SCNN1A: variants seen among roughly 807,000 people sequenced by gnomAD.
SCNN1A encodes epithelial sodium channel subunit alpha.
A neutral mutation model predicts 68.6 loss-of-function variants in SCNN1A; 65 were observed. The ratio of observed to expected loss-of-function variants is 0.95; its 90% CI spans 0.78 to 1.16. The LOEUF (loss-of-function observed/expected upper bound fraction) is 1.16. Among genes scored for constraint, SCNN1A ranks in the 50% most tolerant of loss-of-function variants. The pLI is 0.00. For synonymous variants in SCNN1A, 357 were observed against 353.3 expected (o/e 1.01, Z -0.12); for missense variants, 880 against 865.9 (o/e 1.02, Z -0.20).
intron 2 of SCNN1A, among the ~76,000 whole-genome samples, chr12:6,368,881 A>G (rs926799724): frequency 6.6e-6 from 1 of 152,164 alleles, no homozygotes; most frequent in African/African-American, 2.4e-5. Flanking sequence ...CCTTATCTGT[A>G]AAATGGGCAT....
intron 2 of SCNN1A, among the ~76,000 whole-genome samples, chr12:6,371,871 G>A (rs898415832): frequency 6.6e-6 from 1 of 151,810 alleles, no homozygotes; most frequent in Non-Finnish European, 1.5e-5. Context: ...GCGTGATCTC[G>A]GCTCACTGCA....
At chr12:6,363,401 C>G (rs764029787) in intron 3 of SCNN1A, 42 bp downstream of exon 3, 1 of 1,472,940 alleles carries the variant, frequency 6.8e-7, no homozygotes, top group African/African-American at 1.5e-5. Context: ...GGCCAGGGGC[C>G]GGCGAGGGGC....
intron 5 of SCNN1A, 123 bp downstream of exon 5, chr12:6,355,654 G>A (rs1170868430): frequency 2.2e-6 from 2 of 909,034 alleles, no homozygotes; most frequent in Non-Finnish European, 3.7e-6. Context: ...GGACTATGTG[G>A]CACCTATTGG....
chr12:6,354,579 G>A (rs1948460598), intron 7 of SCNN1A, 24 bp from the exon 8 acceptor site: 3 of 1,565,842 alleles, frequency 1.9e-6, no homozygotes, highest in Non-Finnish European at 2.6e-6. Context: ...GGGTGGAGAG[G>A]AGAGGGGGTT....
At chr12:6,363,854 C>T in intron 2 of SCNN1A, 144 bp from the exon 3 acceptor site, 1 of 695,698 alleles carries the variant, frequency 1.4e-6, no homozygotes, top group South Asian at 2.4e-5. Flanking sequence ...CGTGGCGCCT[C>T]CTGGCCGTCC....
rs62620999 is a variant in SCNN1A at position 6,347,760 on chromosome 12, G to A, written c.*113C>T. 1.5e-3 allele frequency: 1,341 copies of A among 894,578 alleles called. 7 individuals carry two copies. The highest frequency in any genetic ancestry group is 2.1e-3 in the Non-Finnish European group (1,183 of 555,476). 55.4% of individuals were successfully genotyped at this position (894,578 alleles called of 1,614,324 possible). ...TCTTGCTTCCCCTCCACACATCAAC[G>A]GCAGTTTGGGCGGCTCTGAGAGGAA... On this transcript the variant is annotated 3_prime_UTR_variant, in exon 13 of 13. Transcript: ENST00000228916.
chr12:6,366,800 CAAAAAAA>C (rs549082404), intron 2 of SCNN1A, among the ~76,000 whole-genome samples: 1 of 104,344 alleles, frequency 9.6e-6, no homozygotes, highest in African/African-American at 3.6e-5. Flanking sequence ...AACTCCATCT[CAAAAAAA>C]AAAAAAAGAA....
intron 1 of SCNN1A, 62 bp downstream of exon 1, chr12:6,375,443 G>T: frequency 6.5e-7 from 1 of 1,534,714 alleles, no homozygotes; most frequent in South Asian, 1.2e-5. Flanking sequence ...CCAGGTTGCG[G>T]CTGGACTGGG....
At chr12:6,354,192 C>G (rs556951571) in intron 8 of SCNN1A, among the ~76,000 whole-genome samples, 3 of 151,940 alleles carry the variant, frequency 2.0e-5, no homozygotes, top group Non-Finnish European at 2.9e-5. Flanking sequence ...GATCGCGCCA[C>G]TGCTCTCCAG....
Position 6,363,545 on chromosome 12 carries a change from CG to C in SCNN1A, c.581del (p.Pro194ArgfsTer55). Reference sequence around the variant, plus strand: ...CTCGACGGGCCCCGTGAGGCGGGGGCGGGACCCTCAGGCGCTGCAAGGGGTG... The same window carrying C: ...CTCGACGGGCCCCGTGAGGCGGGGGCGGACCCTCAGGCGCTGCAAGGGGTG... ...LPHPLQRLRV[P>X]PPPHGARRAR... On this transcript the variant is annotated frameshift_variant, in exon 3 of 13. Coordinates refer to ENST00000228916, the MANE Select transcript of SCNN1A (RefSeq NM_001038.6). LOFTEE classifies it high-confidence loss of function. The C allele has an allele frequency of 6.2e-7, 1 of 1,609,630 alleles. No individual in the cohort carries two copies. The highest frequency in any genetic ancestry group is 8.5e-7 in the Non-Finnish European group (1 of 1,178,126).
upstream of SCNN1A, among the ~76,000 whole-genome samples, chr12:6,376,836 C>T (rs72645152): frequency 6.6e-6 from 1 of 152,204 alleles, no homozygotes; most frequent in Non-Finnish European, 1.5e-5. Context: ...TCCTGCCTCC[C>T]TCCACAAGCC....
rs1026924523 is a variant in SCNN1A, at chr12:6,351,550, C to T, written c.1361-2145G>A. On this transcript the variant is annotated intron_variant, in intron 8 of 12. Coordinates refer to ENST00000228916, the MANE Select transcript of SCNN1A (RefSeq NM_001038.6). This position sits in a 1 kb window ranked among gnomAD's most constrained non-coding sequence, Gnocchi z 4.2. ...GCTGAGACAGGAGAATTGCTTGAAC[C>T]TGAGAGGCAGAGGTAGCAGTGAGCC... Among the ~76,000 whole-genome samples the T allele has an allele frequency of 2.0e-5, 3 of 151,572 alleles. No individual in the cohort carries two copies. Among genetic ancestry groups the T allele is most frequent in the Admixed American group, 6.6e-5 (1 of 15,194 alleles).
At chr12:6,362,313 G>C (rs1948593638) in intron 3 of SCNN1A, 72 bp from the exon 4 acceptor site, 1 of 1,335,214 alleles carries the variant, frequency 7.5e-7, no homozygotes, top group African/African-American at 1.4e-5. Context: ...CAAGGGCAAA[G>C]AATGAGTGAT....
At chr12:6,364,977 G>A (rs1269139054) in intron 2 of SCNN1A, among the ~76,000 whole-genome samples, 2 of 150,446 alleles carry the variant, frequency 1.3e-5, no homozygotes, top group Admixed American at 6.6e-5. Context: ...CAGAATAAGT[G>A]GAGATATATA....
intron 2 of SCNN1A, among the ~76,000 whole-genome samples, chr12:6,365,869 AT>A (rs554653729): frequency 1.7e-4 from 25 of 148,866 alleles, no homozygotes; most frequent in East Asian, 5.9e-4. Flanking sequence ...ACAGACCTAC[AT>A]TTTTTTTTTT....
intron 2 of SCNN1A, among the ~76,000 whole-genome samples, chr12:6,364,935 T>C (rs1948650045): frequency 6.6e-6 from 1 of 151,626 alleles, no homozygotes. Flanking sequence ...CTGAAAAATA[T>C]ATTGAAATCC....
intron 2 of SCNN1A, among the ~76,000 whole-genome samples, chr12:6,364,493 C>T (rs916410681): frequency 6.6e-5 from 10 of 152,084 alleles, no homozygotes; most frequent in Non-Finnish European, 7.4e-5. Flanking sequence ...TGGTGGCTCA[C>T]GCCTGTAATC....
chr12:6,349,022 G>C lies in SCNN1A; in HGVS notation c.1498-17C>G, dbSNP rs761050824. 2 of 1,613,776 alleles carry C rather than the reference G, an allele frequency of 1.2e-6. No homozygotes were observed. Among genetic ancestry groups the C allele is most frequent in the Admixed American group, 1.7e-5 (1 of 60,010 alleles). On this transcript the variant is annotated splice_polypyrimidine_tract_variant and intron_variant, in intron 10 of 12. Transcript: ENST00000228916. ...GACCCATTCCTAGGAAAGAATGGGG[G>C]TGTCATCAAGGTCACTCCCATATGC...
intron 3 of SCNN1A, among the ~76,000 whole-genome samples, chr12:6,362,688 C>G (rs371216401): frequency 6.7e-6 from 1 of 150,242 alleles, no homozygotes; most frequent in Non-Finnish European, 1.5e-5. Context: ...TCCTTTCTTT[C>G]TTTTTTTTTG....
Sources: gnomAD v4.1 joint callset for allele counts (sites outside exome capture counted in the v4.1 genomes callset) on GRCh38, gnomAD v4.1.1 for gene constraint, Gnocchi (gnomAD v3.1) non-coding constraint, MANE v1.5 for transcripts, NCBI Gene and HGNC (gene_info 2026-07-23, HGNC 2026-07-21) for gene names.